ENOX1: variants seen among roughly 807,000 people sequenced by gnomAD.
ENOX1 encodes the protein ecto-NOX disulfide-thiol exchanger 1.
ENOX1 carries 42 observed loss-of-function variants against 82.5 expected under a neutral mutation model. The observed-to-expected ratio is 0.51, with a 90% confidence interval of 0.40 to 0.66. ENOX1 has a LOEUF of 0.66. Ranked by LOEUF, ENOX1 falls within the 30% of genes least tolerant of loss-of-function variation. The pLI, the probability that ENOX1 is intolerant of heterozygous loss-of-function variation, is 0.00. For synonymous variants in ENOX1, 271 were observed against 282.2 expected, an observed-to-expected ratio of 0.96 and a Z score of 0.40; for missense variants, 608 against 811.6, an observed-to-expected ratio of 0.75 and a Z score of 3.05.
At chr13:43,737,948 C>T (rs2089712300) in intron 1 of ENOX1, among the ~76,000 whole-genome samples, 1 of 152,150 alleles carries the variant, frequency 6.6e-6, no homozygotes, top group African/African-American at 2.4e-5. Flanking sequence ...GAAATAATTT[C>T]TGATAGGAAA....
chr13:43,623,758 C>T (rs904146321), intron 2 of ENOX1, among the ~76,000 whole-genome samples: 35 of 152,098 alleles, frequency 2.3e-4, no homozygotes, highest in African/African-American at 7.5e-4. Flanking sequence ...ATGATGATCC[C>T]GCTCCTCCTT....
rs2048246323 is a variant in ENOX1 at position 43,328,586 on chromosome 13, A to G, written c.1037-2061T>C. On this transcript the variant is annotated intron_variant, in intron 9 of 16. Coordinates refer to ENST00000690772, the MANE Select transcript of ENOX1 (RefSeq NM_001347969.2). Reference sequence around the variant, plus strand: ...AAGAAAAGTATATCTGTTCATAAAAACGTGTAAGGGGCCAGAGAGAATGAA... The same window carrying G: ...AAGAAAAGTATATCTGTTCATAAAAGCGTGTAAGGGGCCAGAGAGAATGAA... Among the ~76,000 whole-genome samples, 3 of 152,266 alleles carry G rather than the reference A, an allele frequency of 2.0e-5. No homozygotes were observed. The South Asian group carries it at 6.2e-4, about 32-fold the overall frequency.
At chr13:43,265,323 A>T in intron 14 of ENOX1, 75 bp downstream of exon 14, 1 of 1,246,440 alleles carries the variant, frequency 8.0e-7, no homozygotes, top group Non-Finnish European at 1.1e-6. Context: ...TTTATGTGGT[A>T]GATAAAGTGC....
chr13:43,683,207 G>T (rs1036923882), intron 1 of ENOX1, among the ~76,000 whole-genome samples: 4 of 152,096 alleles, frequency 2.6e-5, no homozygotes, highest in African/African-American at 9.7e-5. Flanking sequence ...TTATTTGGGG[G>T]TGAGCTGCAA....
intron 2 of ENOX1, among the ~76,000 whole-genome samples, chr13:43,497,646 T>C (rs976094637): frequency 1.3e-5 from 2 of 152,164 alleles, no homozygotes; most frequent in African/African-American, 4.8e-5. Flanking sequence ...TTCCTAATTG[T>C]ATGTTAAACA....
intron 12 of ENOX1, among the ~76,000 whole-genome samples, chr13:43,277,030 G>T (rs1477221925): frequency 1.3e-5 from 2 of 152,122 alleles, no homozygotes; most frequent in Admixed American, 6.5e-5. Flanking sequence ...CTCAGGCATG[G>T]TGACCCCTGG....
At chr13:43,681,508 T>A (rs1478573563) in intron 1 of ENOX1, among the ~76,000 whole-genome samples, 1 of 152,150 alleles carries the variant, frequency 6.6e-6, no homozygotes, top group Non-Finnish European at 1.5e-5. Context: ...GAATTTTTTT[T>A]AAATGAGTTA....
chr13:43,664,193 C>A (rs2084868338), intron 2 of ENOX1, among the ~76,000 whole-genome samples: 1 of 152,128 alleles, frequency 6.6e-6, no homozygotes, highest in South Asian at 2.1e-4. Context: ...TCATTTTTCT[C>A]ATTTGCCTTT....
At chr13:43,400,371 A>C (rs528393663) in intron 5 of ENOX1, among the ~76,000 whole-genome samples, 4 of 152,284 alleles carry the variant, frequency 2.6e-5, no homozygotes, top group Non-Finnish European at 2.9e-5. Flanking sequence ...CAAATCAGCA[A>C]TCCCACCTGC....
intron 5 of ENOX1, among the ~76,000 whole-genome samples, chr13:43,380,935 AAGT>A (rs2051999265): frequency 6.6e-6 from 1 of 151,850 alleles, no homozygotes; most frequent in African/African-American, 2.4e-5. Flanking sequence ...TGGAAAGCTG[AAGT>A]AGATGAATCC....
chr13:43,376,064 C>T (rs1172983045), intron 5 of ENOX1, among the ~76,000 whole-genome samples: 1 of 152,088 alleles, frequency 6.6e-6, no homozygotes, highest in Non-Finnish European at 1.5e-5. Flanking sequence ...TTTACATTTG[C>T]CAGAATAGCA....
At position 43,315,867 on chromosome 13, in the gene ENOX1, C is replaced by T. The variant is rs1377769707; in HGVS notation, c.1261+6517G>A. On this transcript the variant is annotated intron_variant, in intron 11 of 16. Transcript: ENST00000690772. Reference sequence around the variant, plus strand: ...GTAATGATCCTGCATCAAACCTTACCGGAATGAAATGCCCAGAACACATAA... The same window carrying T: ...GTAATGATCCTGCATCAAACCTTACTGGAATGAAATGCCCAGAACACATAA... 3.9e-5 allele frequency among the ~76,000 whole-genome samples: 6 copies of T among 152,108 alleles called. 1 individual carries two copies. The highest frequency in any genetic ancestry group is 2.1e-4 in the South Asian group (1 of 4,814).
At chr13:43,230,206 T>C (rs1447415325) in intron 15 of ENOX1, among the ~76,000 whole-genome samples, 1 of 152,066 alleles carries the variant, frequency 6.6e-6, no homozygotes, top group Non-Finnish European at 1.5e-5. Context: ...CCACGTAAAG[T>C]AGCTGCCAGG....
chr13:43,320,360 T>G (rs866882695), intron 11 of ENOX1, among the ~76,000 whole-genome samples: 3 of 152,200 alleles, frequency 2.0e-5, no homozygotes, highest in African/African-American at 7.2e-5. Flanking sequence ...CTTTGCTCAT[T>G]AATTCTGCTG....
At chr13:43,217,239 G>T (rs922434905) in intron 16 of ENOX1, among the ~76,000 whole-genome samples, 66 of 152,272 alleles carry the variant, frequency 4.3e-4, no homozygotes, top group African/African-American at 1.1e-3. Context: ...GGAGGGCAGG[G>T]CTCCTCTGTG....
intron 15 of ENOX1, among the ~76,000 whole-genome samples, chr13:43,233,481 T>C (rs2042379461): frequency 6.6e-6 from 1 of 152,220 alleles, no homozygotes; most frequent in South Asian, 2.1e-4. Context: ...TCTAGTTTTA[T>C]ACAATAGTCA....
At chr13:43,598,970 T>C (rs4941464) in intron 2 of ENOX1, among the ~76,000 whole-genome samples, 1 of 152,118 alleles carries the variant, frequency 6.6e-6, no homozygotes, top group African/African-American at 2.4e-5. Flanking sequence ...GTGTTAACAG[T>C]GCCTTAATTC....
At chr13:43,479,097 T>A (rs2153654403) in intron 3 of ENOX1, among the ~76,000 whole-genome samples, 1 of 152,126 alleles carries the variant, frequency 6.6e-6, no homozygotes, top group East Asian at 1.9e-4. Context: ...TCCGCATGCA[T>A]AAAGATGGAA....
At chr13:43,518,338 A>G (rs565970640) in intron 2 of ENOX1, among the ~76,000 whole-genome samples, 3 of 152,068 alleles carry the variant, frequency 2.0e-5, no homozygotes, top group African/African-American at 7.2e-5. Flanking sequence ...CCTCTCCCAT[A>G]CCTTACTACC....
Sources: allele counts gnomAD v4.1 joint callset (sites outside exome capture counted in the v4.1 genomes callset), GRCh38; gene constraint gnomAD v4.1.1; transcripts MANE v1.5; gene names NCBI Gene and HGNC (gene_info 2026-07-23, HGNC 2026-07-21).